The following GOLGB1 variants were observed in gnomAD, a reference collection of about 807,000 sequenced individuals.
The protein encoded by GOLGB1 is golgin subfamily B member 1.
Under a neutral mutation model 336.9 loss-of-function variants are expected in GOLGB1, and 174 were observed. The observed-to-expected ratio is 0.52, with a 90% CI of 0.46 to 0.59. The LOEUF (loss-of-function observed/expected upper bound fraction) is 0.59. GOLGB1 is among the 20% of genes least tolerant of loss of function. The pLI is 0.00. For missense variants in GOLGB1, 3,331 were observed against 3,645.3 expected (o/e 0.91, Z 2.22); for synonymous variants, 1,208 against 1,289.2 (o/e 0.94, Z 1.35).
Position 121,681,833 on chromosome 3 carries a change from G to A in GOLGB1, c.8727C>T (p.Tyr2909=). 6.2e-7 allele frequency: 1 copy of A among 1,605,376 alleles called. No individual in the cohort carries two copies. The highest frequency in any genetic ancestry group is 8.5e-7 in the Non-Finnish European group (1 of 1,173,420). The stretch of plus-strand genomic sequence containing the variant: ...CAGTGATCTCTTGATTAATCTGTAA[G>A]TATTGCTGCTGCAGATTCTTCAATT... The part of the protein sequence containing the change: ...LKELKNLQQQ[Y]LQINQEITEL... The change falls in exon 15 of 22, where the codon TAC becomes TAT. Residue 2909 remains tyrosine (Y), a synonymous_variant. Transcript: ENST00000614479.
intron 10 of GOLGB1, among the ~76,000 whole-genome samples, chr3:121,710,118 AT>A (rs947761879): frequency 1.3e-5 from 2 of 151,530 alleles, no homozygotes; most frequent in African/African-American, 4.8e-5. Context: ...AAAAAAAAAA[AT>A]CTTATTATTA....
intron 5 of GOLGB1, 99 bp from the exon 6 acceptor site, chr3:121,722,477 C>G: frequency 1.5e-6 from 1 of 656,586 alleles, no homozygotes; most frequent in Non-Finnish European, 2.7e-6. Flanking sequence ...ACCTAAATGC[C>G]TACCATATTT....
chr3:121,677,583 GA>G (rs1285452731), intron 15 of GOLGB1, 133 bp from the exon 16 acceptor site: 3 of 626,924 alleles, frequency 4.8e-6, no homozygotes, highest in Non-Finnish European at 5.5e-6. Context: ...GAAAGGCTAA[GA>G]AAAAGGTGGA....
Position 121,692,175 on chromosome 3 carries a change from C to T in GOLGB1, c.7189G>A (p.Glu2397Lys). Residue 2397 changes from glutamate (E) to lysine (K), a missense_variant, in exon 14 of 22, where the codon GAA (glutamate) becomes AAA (lysine). Glu to Lys is a moderately conservative substitution (Grantham distance 56). Coordinates refer to ENST00000614479, the MANE Select transcript of GOLGB1 (RefSeq NM_001366282.2). ...GCAATAGCTACTTGGATTGCCTCTTCCTTGCCAGAAAGCAGGCTTATAATC... is the reference window on the plus strand; with the variant it reads ...GCAATAGCTACTTGGATTGCCTCTTTCTTGCCAGAAAGCAGGCTTATAATC... ...QKIISLLSGK[E>K]EAIQVAIAEL... is the part of the protein sequence containing the mutation. 2 of 1,604,532 alleles carry T rather than the reference C, an allele frequency of 1.2e-6. No homozygotes were observed. The highest frequency in any genetic ancestry group is 1.1e-5 in the South Asian group (1 of 88,732).
chr3:121,711,491 C>T (rs779983542), intron 10 of GOLGB1, among the ~76,000 whole-genome samples: 6 of 151,984 alleles, frequency 3.9e-5, no homozygotes, highest in Non-Finnish European at 7.4e-5. Context: ...CCAGTCTCAC[C>T]ACTTCTATTA....
intron 1 of GOLGB1, among the ~76,000 whole-genome samples, chr3:121,734,447 C>T (rs1207138421): frequency 1.4e-5 from 2 of 147,046 alleles, no homozygotes; most frequent in East Asian, 3.9e-4. Flanking sequence ...TTACAAATAG[C>T]ATATCCAGTA....
intron 14 of GOLGB1, among the ~76,000 whole-genome samples, chr3:121,687,445 C>T (rs9817275): frequency 3.3e-5 from 5 of 152,036 alleles, no homozygotes; most frequent in Non-Finnish European, 7.4e-5. Context: ...AACCTGGAAG[C>T]AACATTATTA....
intron 17 of GOLGB1, among the ~76,000 whole-genome samples, chr3:121,674,622 T>C (rs1940066072): frequency 6.6e-6 from 1 of 152,084 alleles, no homozygotes; most frequent in Admixed American, 6.6e-5. Context: ...AGAAGAACAA[T>C]CTATGCTGAC....
intron 17 of GOLGB1, among the ~76,000 whole-genome samples, chr3:121,669,703 G>T (rs1366897131): frequency 1.3e-5 from 2 of 152,096 alleles, no homozygotes; most frequent in South Asian, 2.1e-4. Context: ...GTACCTCAGG[G>T]TCAAAGTTCA....
At chr3:121,724,296 T>C (rs1218614226) in intron 5 of GOLGB1, among the ~76,000 whole-genome samples, 6 of 152,064 alleles carry the variant, frequency 3.9e-5, no homozygotes, top group Admixed American at 1.3e-4. Context: ...GAAACATAAA[T>C]AGTAAAGCCC....
Position 121,694,271 on chromosome 3 carries a change from G to A in GOLGB1, c.6252C>T (p.Ser2084=), listed in dbSNP as rs1942738064. The change falls in exon 13 of 22, where the codon AGC becomes AGT. Residue 2084 remains serine (S), a synonymous_variant. Transcript: ENST00000614479. The part of the protein sequence containing the change: ...HRKKAQAELA[S]FKVLLDDTQS... Reference sequence around the variant, plus strand: ...GAGTGTCATCTAGCAGGACTTTGAAGCTAGCTAATTCTGCTTGTGCCTTTT... The same window carrying A: ...GAGTGTCATCTAGCAGGACTTTGAAACTAGCTAATTCTGCTTGTGCCTTTT... 3 of 1,610,256 alleles carry A rather than the reference G, an allele frequency of 1.9e-6. No homozygotes were observed. Among genetic ancestry groups the A allele is most frequent in the Non-Finnish European group, 2.5e-6 (3 of 1,179,954 alleles).
chr3:121,709,375 A>G (rs1288329695), intron 10 of GOLGB1, among the ~76,000 whole-genome samples: 2 of 152,192 alleles, frequency 1.3e-5, no homozygotes, highest in Non-Finnish European at 2.9e-5. Context: ...AATACACACT[A>G]TTTACAAGTG....
chr3:121,695,575 C>G lies in GOLGB1; in HGVS notation c.4948G>C (p.Glu1650Gln). The change falls in exon 13 of 22, where the codon GAA becomes CAA. Residue 1650 changes from glutamate (E) to glutamine (Q), a missense_variant. By Grantham distance (29) the Glu-to-Gln change is conservative (BLOSUM62 2). Transcript: ENST00000614479. ...VVEAVRQEKQ[E>Q]LYGKLRSTEA... ...GTGCTTCTTAACTTGCCATACAGTTCTTGTTTCTCTTGCCTCACAGCTTCC... is the reference window on the plus strand; with the variant it reads ...GTGCTTCTTAACTTGCCATACAGTTGTTGTTTCTCTTGCCTCACAGCTTCC... 1 of 1,614,072 alleles carries G rather than the reference C, an allele frequency of 6.2e-7. No individual in the cohort carries two copies. Among genetic ancestry groups the G allele is most frequent in the Non-Finnish European group, 8.5e-7 (1 of 1,180,018 alleles).
intron 10 of GOLGB1, among the ~76,000 whole-genome samples, chr3:121,702,863 C>T (rs906435533): frequency 2.0e-5 from 3 of 152,064 alleles, no homozygotes; most frequent in African/African-American, 7.2e-5. Flanking sequence ...AGATAGAAAT[C>T]CCAAGTCTAT....
chr3:121,732,986 T>C (rs141593606), intron 1 of GOLGB1, among the ~76,000 whole-genome samples: 3 of 152,302 alleles, frequency 2.0e-5, no homozygotes, highest in Admixed American at 6.5e-5. Context: ...ACTCCTAGAA[T>C]AAGTGAATTC....
intron 10 of GOLGB1, among the ~76,000 whole-genome samples, chr3:121,704,702 G>A (rs1271765052): frequency 6.6e-6 from 1 of 150,786 alleles, no homozygotes; most frequent in African/African-American, 2.4e-5. Flanking sequence ...CTTGAACCCA[G>A]GAGGCACAGG....
rs146656462 is a variant in GOLGB1 at position 121,695,458 on chromosome 3, A to G, written c.5065T>C (p.Ser1689Pro). Residue 1689 changes from serine (S) to proline (P), a missense_variant, in exon 13 of 22, where the codon TCT (serine) becomes CCT (proline). By Grantham distance (74) the Ser-to-Pro change is moderately conservative (BLOSUM62 -1). Coordinates refer to ENST00000614479, the MANE Select transcript of GOLGB1 (RefSeq NM_001366282.2). ...AGCTCTAGGATTTTCTGCTGTTTAG[A>G]TTTAGCAAACTTTCTCATCTTTTCT... ...MKEKMRKFAK[S>P]KQQKILELEE... 52 of 1,613,728 alleles carry G rather than the reference A, an allele frequency of 3.2e-5. No individual in the cohort carries two copies. The highest frequency in any genetic ancestry group is 4.4e-5 in the Non-Finnish European group (52 of 1,179,934).
chr3:121,693,425 T>C (rs1399144972), intron 13 of GOLGB1, among the ~76,000 whole-genome samples: 1 of 152,062 alleles, frequency 6.6e-6, no homozygotes, highest in South Asian at 2.1e-4. Flanking sequence ...GAGGCAGAGG[T>C]TGCAGTGAGC....
At chr3:121,699,706 A>G in intron 12 of GOLGB1, 106 bp downstream of exon 12, 1 of 608,166 alleles carries the variant, frequency 1.6e-6, no homozygotes. Flanking sequence ...TCTATAGGTA[A>G]TGTACTTCTC....
Sources: gnomAD v4.1 joint callset for allele counts (sites outside exome capture counted in the v4.1 genomes callset) on GRCh38, gnomAD v4.1.1 for gene constraint, MANE v1.5 for transcripts, NCBI Gene and HGNC (gene_info 2026-07-23, HGNC 2026-07-21) for gene names.